TXNDC8: variants seen among roughly 807,000 people sequenced by gnomAD.
The protein encoded by TXNDC8 is thioredoxin domain-containing protein 8.
A neutral mutation model predicts 12.9 loss-of-function variants in TXNDC8; 15 were observed. That is an observed-to-expected ratio of 1.16 (90% confidence interval 0.78 to 1.79). TXNDC8 has a LOEUF of 1.79. TXNDC8 is among the 40% of genes most tolerant of loss of function. TXNDC8 has a pLI of 0.00. For missense variants in TXNDC8, 128 were observed against 113.2 expected (o/e 1.13, Z -0.59); for synonymous variants, 40 against 35.4 (o/e 1.13, Z -0.46).
chr9:110,304,382 G>T, intron 4 of TXNDC8, 85 bp downstream of exon 5: 1 of 1,222,712 alleles, frequency 8.2e-7, no homozygotes, highest in Non-Finnish European at 1.2e-6. Flanking sequence ...CCAGGCAGCA[G>T]CATTCTGCCT....
chr9:110,305,186 G>C (rs889374467), intron 3 of TXNDC8, among the ~76,000 whole-genome samples: 5 of 147,048 alleles, frequency 3.4e-5, no homozygotes, highest in African/African-American at 1.2e-4. Context: ...ATGGTGCACT[G>C]ATTCAAATGT....
intron 3 of TXNDC8, among the ~76,000 whole-genome samples, chr9:110,312,281 T>C (rs556719313): frequency 1.3e-5 from 2 of 152,372 alleles, no homozygotes; most frequent in Non-Finnish European, 1.5e-5. Context: ...AATACAGTTA[T>C]GGCATAAGTG....
chr9:110,303,993 G>T (rs1360154906), intron 4 of TXNDC8, among the ~76,000 whole-genome samples: 2 of 152,148 alleles, frequency 1.3e-5, no homozygotes, highest in Non-Finnish European at 2.9e-5. Flanking sequence ...TTCTCCCCAG[G>T]TAAGAGTATT....
In TXNDC8 at chr9:110,308,132, C is replaced by T. The variant is rs552218332; in HGVS notation, c.196-3600G>A. Reference sequence around the variant, plus strand: ...AAACCAATAGGACAATTTGCTGAGGCCTGGGAGCACCCCACTCCAGAGAAT... The same window carrying T: ...AAACCAATAGGACAATTTGCTGAGGTCTGGGAGCACCCCACTCCAGAGAAT... On this transcript the variant is annotated intron_variant, in intron 3 of 4. Coordinates refer to ENST00000423740, the MANE Select transcript of TXNDC8 (RefSeq NM_001286946.2). 9.2e-5 allele frequency among the ~76,000 whole-genome samples: 14 copies of T among 152,336 alleles called. No individual in the cohort carries two copies. In the South Asian group the frequency reaches 2.9e-3, roughly 32 times the overall value.
chr9:110,324,139 A>G (rs1281088396), intron 3 of TXNDC8: 2 of 1,158,632 alleles, frequency 1.7e-6, no homozygotes, highest in Non-Finnish European at 2.3e-6. Flanking sequence ...TAACTGATGG[A>G]TAGAGGCCTG....
chr9:110,322,810 C>CATTG lies in TXNDC8; in HGVS notation c.195+3364_195+3365insCAAT, dbSNP rs934452558. 4 of 985,242 alleles carry CATTG rather than the reference C, an allele frequency of 4.1e-6. No individual in the cohort carries two copies. The Admixed American group carries it at 1.8e-4, about 46-fold the overall frequency. The allele number at this position is 985,242 out of a possible 1,614,324, so 61.0% of individuals were successfully genotyped here. A position where few individuals can be genotyped will look rare whatever the true frequency, so the allele number is the denominator to read the frequency against. ...GTGGGATGCAGGGAAAAAACAGAAGCATTCATTCATTCATTCATGCACTCA... is the reference window on the plus strand; with the variant it reads ...GTGGGATGCAGGGAAAAAACAGAAGCATTGATTCATTCATTCATTCATGCACTCA... On this transcript the variant is annotated intron_variant, in intron 3 of 4. Coordinates refer to ENST00000423740, the MANE Select transcript of TXNDC8 (RefSeq NM_001286946.2).
intron 2 of TXNDC8, among the ~76,000 whole-genome samples, chr9:110,331,378 C>A (rs369154245): frequency 6.6e-6 from 1 of 152,138 alleles, no homozygotes; most frequent in East Asian, 1.9e-4. Context: ...CATGGCCTCC[C>A]GTTTCCCATG....
intron 3 of TXNDC8, among the ~76,000 whole-genome samples, chr9:110,325,808 C>G (rs1049009012): frequency 2.0e-5 from 3 of 152,256 alleles, no homozygotes; most frequent in South Asian, 2.1e-4. Context: ...CGTGAGCCAC[C>G]GCGCCCGGCC....
chr9:110,336,547 T>C (rs1467357265), intron 1 of TXNDC8, among the ~76,000 whole-genome samples: 1 of 152,172 alleles, frequency 6.6e-6, no homozygotes, highest in Non-Finnish European at 1.5e-5. Context: ...AATACTCTCA[T>C]AGTATAGGTA....
At chr9:110,323,119 A>G (rs41278427) in intron 3 of TXNDC8, 41,714 of 985,368 alleles carry the variant, frequency 0.042, 1,074 homozygotes, top group Admixed American at 0.1. Flanking sequence ...GGAGCTGTGC[A>G]CAAATCTGGA....
At position 110,303,726 on chromosome 9, in the gene TXNDC8, C is replaced by A. The variant is rs370598186; in HGVS notation, c.262-18G>T. ...GCAAGACACTTTAAATATAAATATA[C>A]ATTAAACACATTAAATTCATAATAT... On this transcript the variant is annotated intron_variant, in intron 4 of 4. Coordinates refer to ENST00000423740, the MANE Select transcript of TXNDC8 (RefSeq NM_001286946.2). The A allele has an allele frequency of 1.8e-5, 28 of 1,534,882 alleles. No homozygotes were observed. The African/African-American group carries it at 3.6e-4, about 20-fold the overall frequency.
At chr9:110,316,612 A>G (rs1366487272) in intron 3 of TXNDC8, among the ~76,000 whole-genome samples, 3 of 152,232 alleles carry the variant, frequency 2.0e-5, no homozygotes. Flanking sequence ...GCCTATAAAA[A>G]CAATGTTAAT....
chr9:110,304,549 A>T lies in TXNDC8; in HGVS notation c.196-17T>A, dbSNP rs1464418890. 3.1e-6 allele frequency: 5 copies of T among 1,593,738 alleles called. No homozygotes were observed. In the Admixed American group the frequency reaches 8.5e-5, roughly 27 times the overall value. ...TAGGGTTACCTAAGTGTGGGTGCAG[A>T]ATTTCATAATTTATCTGAGTTGCCT... On this transcript the variant is annotated splice_polypyrimidine_tract_variant and intron_variant, in intron 3 of 4. Transcript: ENST00000423740.
At position 110,303,586 on chromosome 9, in the gene TXNDC8, G is replaced by A; in HGVS notation, c.*96C>T. The A allele has an allele frequency of 2.0e-5, 31 of 1,548,494 alleles. No homozygotes were observed. The highest frequency in any genetic ancestry group is 2.7e-5 in the Non-Finnish European group (31 of 1,142,650). The stretch of plus-strand genomic sequence containing the variant: ...TCGGCTCCACAAAACTCAAAAATCT[G>A]TTCACAAATGCACAAAGGTGAAACA... On this transcript the variant is annotated 3_prime_UTR_variant, in exon 5 of 5. Coordinates refer to ENST00000423740, the MANE Select transcript of TXNDC8 (RefSeq NM_001286946.2).
Position 110,323,398 on chromosome 9 carries a change from G to A in TXNDC8, c.195+2777C>T, listed in dbSNP as rs1221039256. 34 of 919,402 alleles carry A rather than the reference G, an allele frequency of 3.7e-5. 1 individual carries two copies. Among genetic ancestry groups the A allele is most frequent in the Non-Finnish European group, 4.3e-5 (33 of 770,034 alleles). 57.0% of individuals were successfully genotyped at this position (919,402 alleles called of 1,614,324 possible). A position where few individuals can be genotyped will look rare whatever the true frequency, so the allele number is the denominator to read the frequency against. ...AGAATATAGAAGCTCATTAGTTAAT[G>A]GTGCTTCTGTGTAGCTAAGGAATCA... On this transcript the variant is annotated intron_variant, in intron 3 of 4. Transcript: ENST00000423740.
At chr9:110,305,806 T>TCTTTTCTTTC (rs1838444963) in intron 3 of TXNDC8, among the ~76,000 whole-genome samples, 1 of 81,890 alleles carries the variant, frequency 1.2e-5, no homozygotes, top group South Asian at 3.2e-4. Flanking sequence ...TCTTTTCTTT[T>TCTTTTCTTTC]CTTTCCTTTC....
chr9:110,318,543 T>C (rs889516083), intron 3 of TXNDC8, among the ~76,000 whole-genome samples: 3 of 152,160 alleles, frequency 2.0e-5, no homozygotes, highest in African/African-American at 7.2e-5. Flanking sequence ...GAGACCATCC[T>C]GCCTAACACG....
At chr9:110,305,546 T>TC (rs772060862) in intron 3 of TXNDC8, among the ~76,000 whole-genome samples, 1 of 115,416 alleles carries the variant, frequency 8.7e-6, no homozygotes, top group Non-Finnish European at 1.8e-5. Context: ...TGTATTTTCT[T>TC]TTTCTTTCTT....
At chr9:110,311,735 T>C (rs917705128) in intron 3 of TXNDC8, among the ~76,000 whole-genome samples, 14 of 142,156 alleles carry the variant, frequency 9.8e-5, no homozygotes, top group Non-Finnish European at 1.8e-4. Context: ...ATATATACTA[T>C]ATATACACTA....
Sources: allele counts gnomAD v4.1 joint callset (sites outside exome capture counted in the v4.1 genomes callset), GRCh38; gene constraint gnomAD v4.1.1; transcripts MANE v1.5; gene names NCBI Gene and HGNC (gene_info 2026-07-23, HGNC 2026-07-21).